MCU: variants seen among roughly 807,000 people sequenced by gnomAD.
The protein encoded by MCU is mitochondrial calcium uniporter, also known as calcium uniporter protein, mitochondrial.
In MCU, 12 loss-of-function variants were observed where a neutral mutation model predicts 45.2. The observed-to-expected ratio is 0.27, with a 90% CI of 0.17 to 0.43. MCU has a LOEUF of 0.43. Among genes scored for constraint, MCU ranks in the 20% least tolerant of loss-of-function variants. The pLI is 1.00. For missense variants in MCU, 324 were observed against 436.7 expected, an observed-to-expected ratio of 0.74 and a Z score of 2.30; for synonymous variants, 160 against 165.1, an observed-to-expected ratio of 0.97 and a Z score of 0.24.
chr10:72,805,407 C>T (rs1230764398), intron 1 of MCU, among the ~76,000 whole-genome samples: 1 of 151,636 alleles, frequency 6.6e-6, no homozygotes, highest in Non-Finnish European at 1.5e-5. Flanking sequence ...TGCCACCATG[C>T]CCAGCTAATT....
intron 1 of MCU, among the ~76,000 whole-genome samples, chr10:72,751,220 C>T (rs1479140931): frequency 2.0e-5 from 3 of 151,362 alleles, no homozygotes; most frequent in Non-Finnish European, 2.9e-5. Context: ...CCAGGCTGGC[C>T]TCGAACTCCT....
At chr10:72,778,482 T>C (rs1843934037) in intron 1 of MCU, among the ~76,000 whole-genome samples, 2 of 151,978 alleles carry the variant, frequency 1.3e-5, no homozygotes, top group African/African-American at 4.8e-5. Flanking sequence ...GTGGATCTCA[T>C]GAAGATAGAG....
At chr10:72,809,968 G>A (rs1362550982) in intron 1 of MCU, among the ~76,000 whole-genome samples, 1 of 152,030 alleles carries the variant, frequency 6.6e-6, no homozygotes, top group African/African-American at 2.4e-5. Flanking sequence ...GAAAATATCA[G>A]TGGGAAGTAG....
In MCU at chr10:72,887,682, T is replaced by C. The variant is rs747546764; in HGVS notation, c.*1860T>C. On this transcript the variant is annotated 3_prime_UTR_variant, in exon 8 of 8. Coordinates refer to ENST00000373053, the MANE Select transcript of MCU (RefSeq NM_138357.3). ...TACCTTCTGGAACAATAAATACTTATTCAATTTTTGAACGATAGCATCTCA... is the reference window on the plus strand; with the variant it reads ...TACCTTCTGGAACAATAAATACTTACTCAATTTTTGAACGATAGCATCTCA... 3 of 152,694 alleles carry C rather than the reference T, an allele frequency of 2.0e-5. No homozygotes were observed. Among genetic ancestry groups the C allele is most frequent in the Non-Finnish European group, 4.4e-5 (3 of 68,040 alleles). The allele number at this position is 152,694 out of a possible 1,614,324, so 9.5% of individuals were successfully genotyped here.
At chr10:72,726,347 T>C (rs1292049131) in intron 1 of MCU, among the ~76,000 whole-genome samples, 1 of 151,964 alleles carries the variant, frequency 6.6e-6, no homozygotes, top group African/African-American at 2.4e-5. Flanking sequence ...TTTTCTCACA[T>C]AGTAATAAAT....
At chr10:72,883,080 A>T (rs1040098287) in intron 6 of MCU, among the ~76,000 whole-genome samples, 21 of 152,244 alleles carry the variant, frequency 1.4e-4, no homozygotes, top group African/African-American at 4.6e-4. Flanking sequence ...CCACAAATGG[A>T]TGAACCTTGA....
At chr10:72,775,463 C>T (rs752170157) in intron 1 of MCU, among the ~76,000 whole-genome samples, 4 of 151,786 alleles carry the variant, frequency 2.6e-5, no homozygotes, top group Middle Eastern at 3.2e-3. Context: ...AAGTAAACAA[C>T]GCACCTCAAA....
chr10:72,830,319 T>C (rs1000275662), intron 1 of MCU, among the ~76,000 whole-genome samples: 8 of 152,264 alleles, frequency 5.3e-5, no homozygotes, highest in Non-Finnish European at 1.2e-4. Flanking sequence ...TGTATTAATG[T>C]GGTTCACTGC....
At chr10:72,737,344 A>G (rs998128158) in intron 1 of MCU, among the ~76,000 whole-genome samples, 5 of 152,212 alleles carry the variant, frequency 3.3e-5, no homozygotes, top group African/African-American at 7.2e-5. Context: ...AAAAATTATT[A>G]TTCTGTACCT....
At chr10:72,755,699 G>C (rs949871837) in intron 1 of MCU, among the ~76,000 whole-genome samples, 1 of 152,142 alleles carries the variant, frequency 6.6e-6, no homozygotes, top group African/African-American at 2.4e-5. Flanking sequence ...CAATTTGAAC[G>C]GCGGAAGCAT....
At chr10:72,816,634 G>C (rs1844631683) in intron 1 of MCU, among the ~76,000 whole-genome samples, 1 of 152,128 alleles carries the variant, frequency 6.6e-6, no homozygotes, top group South Asian at 2.1e-4. Context: ...TAAAAATTTA[G>C]CTGGGGTGGT....
At chr10:72,864,262 TCTC>T (rs1011408167) in intron 4 of MCU, among the ~76,000 whole-genome samples, 6 of 152,170 alleles carry the variant, frequency 3.9e-5, no homozygotes, top group African/African-American at 1.2e-4. Context: ...TAAAAATTGA[TCTC>T]CTGCAGTTCT....
At chr10:72,748,423 A>G (rs1843445885) in intron 1 of MCU, among the ~76,000 whole-genome samples, 1 of 152,222 alleles carries the variant, frequency 6.6e-6, no homozygotes. Context: ...TGAACAGTGT[A>G]GTTCTGCATT....
chr10:72,819,106 G>A (rs1184836980), intron 1 of MCU, among the ~76,000 whole-genome samples: 1 of 152,174 alleles, frequency 6.6e-6, no homozygotes, highest in Non-Finnish European at 1.5e-5. Flanking sequence ...AGAAGTCCAT[G>A]AAGAATGGTG....
At chr10:72,732,557 A>G (rs1413140247) in intron 1 of MCU, among the ~76,000 whole-genome samples, 1 of 152,222 alleles carries the variant, frequency 6.6e-6, no homozygotes, top group Non-Finnish European at 1.5e-5. Flanking sequence ...GATCTGGTGA[A>G]CCGAATTAAA....
At chr10:72,734,781 T>TA (rs1370939307) in intron 1 of MCU, among the ~76,000 whole-genome samples, 2 of 151,998 alleles carry the variant, frequency 1.3e-5, no homozygotes, top group South Asian at 2.1e-4. Flanking sequence ...GCCTAGCTAT[T>TA]AAAAAAATTT....
chr10:72,826,482 C>G (rs1844800333), intron 1 of MCU, among the ~76,000 whole-genome samples: 1 of 152,148 alleles, frequency 6.6e-6, no homozygotes, highest in Admixed American at 6.5e-5. Context: ...ATTATAGATG[C>G]AACTATTTCC....
At chr10:72,857,522 G>T (rs1845312032) in intron 2 of MCU, among the ~76,000 whole-genome samples, 2 of 152,044 alleles carry the variant, frequency 1.3e-5, no homozygotes, top group African/African-American at 4.8e-5. Flanking sequence ...ACAGGCATGA[G>T]CCACCATGCC....
intron 1 of MCU, among the ~76,000 whole-genome samples, chr10:72,821,164 G>A (rs1032950449): frequency 2.0e-5 from 3 of 151,192 alleles, no homozygotes; most frequent in African/African-American, 7.3e-5. Context: ...CTATATTGTA[G>A]GAAACAAACT....
Sources: allele counts gnomAD v4.1 joint callset (sites outside exome capture counted in the v4.1 genomes callset), GRCh38; gene constraint gnomAD v4.1.1; transcripts MANE v1.5; gene names NCBI Gene and HGNC (gene_info 2026-07-23, HGNC 2026-07-21).